SPOCK1: variants seen among roughly 807,000 people sequenced by gnomAD.
SPOCK1 encodes the protein testican-1.
SPOCK1 carries 23 observed loss-of-function variants against 55.3 expected under a neutral mutation model. That is an observed-to-expected ratio of 0.42 (90% CI 0.30 to 0.59). The LOEUF is 0.59. Among genes scored for constraint, SPOCK1 ranks in the 20% least tolerant of loss-of-function variants. SPOCK1 has a pLI of 0.22. For synonymous variants in SPOCK1, 226 were observed against 221.0 expected (o/e 1.02, Z -0.20); for missense variants, 499 against 552.5 (o/e 0.90, Z 0.97).
At chr5:137,075,778 G>C (rs1752746179) in intron 5 of SPOCK1, among the ~76,000 whole-genome samples, 2 of 152,152 alleles carry the variant, frequency 1.3e-5, no homozygotes, top group Admixed American at 6.5e-5. Flanking sequence ...TGCACGTGCA[G>C]GCCCACCCCC....
At chr5:137,445,975 C>T (rs778887598) in intron 2 of SPOCK1, among the ~76,000 whole-genome samples, 4 of 152,088 alleles carry the variant, frequency 2.6e-5, no homozygotes, top group Non-Finnish European at 5.9e-5. Context: ...AGACTGATTC[C>T]AGCTTTGCCA....
intron 2 of SPOCK1, among the ~76,000 whole-genome samples, chr5:137,393,107 T>C (rs377694142): frequency 7.2e-5 from 11 of 152,224 alleles, no homozygotes; most frequent in African/African-American, 2.4e-4. Context: ...AGACACATGA[T>C]AGAATTTTGT....
At chr5:137,121,899 T>TATATTATATATATA (rs1753692364) in intron 4 of SPOCK1, among the ~76,000 whole-genome samples, 1 of 146,638 alleles carries the variant, frequency 6.8e-6, no homozygotes, top group African/African-American at 2.5e-5. Flanking sequence ...TTAGTATATG[T>TATATTATATATATA]TATTATATGT....
At chr5:137,356,832 T>G (rs192027570) in intron 2 of SPOCK1, among the ~76,000 whole-genome samples, 637 of 10,004 alleles carry the variant, frequency 0.064, 20 homozygotes, top group African/African-American at 0.093. Context: ...TATATATATA[T>G]ATATATAGAG....
intron 2 of SPOCK1, among the ~76,000 whole-genome samples, chr5:137,375,352 A>G (rs1283295713): frequency 6.6e-6 from 1 of 152,250 alleles, no homozygotes; most frequent in African/African-American, 2.4e-5. Context: ...AATTCACTTT[A>G]TATCAAATTC....
At chr5:137,209,978 C>G (rs1354188388) in intron 3 of SPOCK1, among the ~76,000 whole-genome samples, 1 of 152,164 alleles carries the variant, frequency 6.6e-6, no homozygotes, top group East Asian at 1.9e-4. Flanking sequence ...TTTGCCAACA[C>G]AACTAGATTT....
chr5:137,429,786 C>T (rs1443330157), intron 2 of SPOCK1, among the ~76,000 whole-genome samples: 1 of 152,138 alleles, frequency 6.6e-6, no homozygotes, highest in Admixed American at 6.6e-5. Context: ...ATCTATAACC[C>T]AAAAGAGAGG....
rs535116646 is a variant in SPOCK1 at position 137,381,549 on chromosome 5, T to C, written c.187-114494A>G. On this transcript the variant is annotated intron_variant, in intron 2 of 10. Coordinates refer to ENST00000394945, the MANE Select transcript of SPOCK1 (RefSeq NM_004598.4). ...AGAGTTTCTCAAACCTCAACTCTTG[T>C]CTTCTGCACACCCACAAGCCCAACA... is the stretch of plus-strand genomic sequence containing the variant. Among the ~76,000 whole-genome samples, 5 of 152,346 alleles carry C rather than the reference T, an allele frequency of 3.3e-5. No individual in the cohort carries two copies. In the East Asian group the frequency reaches 9.6e-4, roughly 29 times the overall value.
At chr5:137,223,308 GAAA>G (rs5871626) in intron 3 of SPOCK1, among the ~76,000 whole-genome samples, 1 of 141,610 alleles carries the variant, frequency 7.1e-6, no homozygotes, top group Non-Finnish European at 1.5e-5. Flanking sequence ...GCTATAACAT[GAAA>G]AAAAAAAAAA....
chr5:137,419,483 G>A (rs1268345869), intron 2 of SPOCK1, among the ~76,000 whole-genome samples: 1 of 152,184 alleles, frequency 6.6e-6, no homozygotes, highest in Non-Finnish European at 1.5e-5. Context: ...TCAATGAGCA[G>A]TGGTTTGTAG....
At chr5:137,077,334 G>A (rs1020421648) in intron 5 of SPOCK1, among the ~76,000 whole-genome samples, 2 of 152,180 alleles carry the variant, frequency 1.3e-5, no homozygotes, top group East Asian at 3.9e-4. Context: ...GCCTTTACAG[G>A]AATCCTAGGA....
Position 137,238,949 on chromosome 5 carries a change from G to A in SPOCK1, c.232+28061C>T, listed in dbSNP as rs369584891. On this transcript the variant is annotated intron_variant, in intron 3 of 10. Transcript: ENST00000394945. ...TGGCACAGAGCTCCTAAAACCCTTA[G>A]AATGTGAGTGATACATGGGAGAGAA... Among the ~76,000 whole-genome samples the A allele has an allele frequency of 2.6e-5, 4 of 152,282 alleles. No homozygotes were observed. In the South Asian group the frequency reaches 8.3e-4, roughly 32 times the overall value.
chr5:137,029,463 G>A (rs554493172), intron 6 of SPOCK1, among the ~76,000 whole-genome samples: 55 of 152,204 alleles, frequency 3.6e-4, no homozygotes, highest in South Asian at 1.0e-3. Flanking sequence ...ACCCTTGTGC[G>A]GCAATTTATT....
intron 2 of SPOCK1, among the ~76,000 whole-genome samples, chr5:137,431,963 T>A (rs1387647514): frequency 6.6e-6 from 1 of 152,196 alleles, no homozygotes; most frequent in Non-Finnish European, 1.5e-5. Flanking sequence ...GATAAATAAC[T>A]ACTCAAATGA....
At chr5:137,066,985 C>CAGAGAGAGAG (rs1219509991) in intron 6 of SPOCK1, among the ~76,000 whole-genome samples, 2 of 121,684 alleles carry the variant, frequency 1.6e-5, no homozygotes, top group Non-Finnish European at 3.7e-5. Context: ...CACACACACA[C>CAGAGAGAGAG]ACAGAGAGAG....
chr5:137,309,306 A>T (rs1259930269), intron 2 of SPOCK1, among the ~76,000 whole-genome samples: 1 of 152,166 alleles, frequency 6.6e-6, no homozygotes, highest in African/African-American at 2.4e-5. Context: ...GGATAAGGAG[A>T]AGGGCAAAGA....
chr5:137,070,869 C>T (rs1253453860), intron 5 of SPOCK1, among the ~76,000 whole-genome samples: 1 of 152,176 alleles, frequency 6.6e-6, no homozygotes, highest in Non-Finnish European at 1.5e-5. Flanking sequence ...GCTCAGTCTC[C>T]TCCCTAGCTA....
intron 3 of SPOCK1, among the ~76,000 whole-genome samples, chr5:137,177,521 G>A (rs1754878687): frequency 6.6e-6 from 1 of 152,138 alleles, no homozygotes; most frequent in African/African-American, 2.4e-5. Flanking sequence ...GAATCATGCA[G>A]TCGTGGCAAA....
intron 3 of SPOCK1, among the ~76,000 whole-genome samples, chr5:137,248,658 C>T (rs556337403): frequency 2.6e-5 from 4 of 152,166 alleles, no homozygotes; most frequent in African/African-American, 7.2e-5. Flanking sequence ...CCTCAGTTTC[C>T]GCATCCGCAC....
Sources: gnomAD v4.1 joint callset for allele counts (sites outside exome capture counted in the v4.1 genomes callset) on GRCh38, gnomAD v4.1.1 for gene constraint, MANE v1.5 for transcripts, NCBI Gene and HGNC (gene_info 2026-07-23, HGNC 2026-07-21) for gene names.